Variants in STAB2 observed in about 807,000 individuals in gnomAD.
STAB2 encodes the protein stabilin-2.
In STAB2, 288 loss-of-function variants were observed where a neutral mutation model predicts 338.1. The observed-to-expected ratio is 0.85, with a 90% CI of 0.77 to 0.94. The LOEUF (loss-of-function observed/expected upper bound fraction) is 0.94, where lower values mean the gene tolerates loss of function less well. Ranked by LOEUF, STAB2 falls within the 40% of genes least tolerant of loss-of-function variation. The pLI is 0.00. For synonymous variants in STAB2, 1,202 were observed against 1,193.3 expected (o/e 1.01, Z -0.15); for missense variants, 3,141 against 3,210.1 (o/e 0.98, Z 0.52).
intron 68 of STAB2, chr12:103,763,881 G>A (rs151143279): frequency 2.0e-5 from 6 of 294,544 alleles, no homozygotes; most frequent in African/African-American, 1.1e-4. Context: ...TCATGACCAG[G>A]TGAGATGCCA....
chr12:103,761,070 G>A (rs1484305980), intron 65 of STAB2, among the ~76,000 whole-genome samples: 7 of 152,154 alleles, frequency 4.6e-5, no homozygotes, highest in African/African-American at 1.7e-4. Context: ...CAAGTGGGTT[G>A]GACAAATGAC....
chr12:103,668,658 A>G lies in STAB2; in HGVS notation c.2101A>G (p.Arg701Gly). 6.4e-7 allele frequency: 1 copy of G among 1,552,048 alleles called. No individual in the cohort carries two copies. The highest frequency in any genetic ancestry group is 8.7e-7 in the Non-Finnish European group (1 of 1,147,188). ...CTTTCTCCAGGCACTCTTCACACAC[A>G]GATGTGTCTACAGTGGCAGGTTTGG... The part of the protein sequence containing the change: ...NSEPTALFTH[R>G]CVYSGRFGSL... The change falls in exon 20 of 69, where the codon AGA (arginine) becomes GGA (glycine). Residue 701 changes from arginine (R) to glycine (G), a missense_variant. Physicochemically the swap from Arg to Gly is moderately radical, Grantham distance 125. Transcript: ENST00000388887.
intron 4 of STAB2, 110 bp downstream of exon 4, chr12:103,620,663 A>ACACATATAC: frequency 1.1e-6 from 1 of 935,270 alleles, no homozygotes; most frequent in Middle Eastern, 3.1e-4. Context: ...ACGTGCACAC[A>ACACATATAC]CACATATACA....
intron 3 of STAB2, among the ~76,000 whole-genome samples, chr12:103,611,306 T>C (rs1283516054): frequency 6.6e-6 from 1 of 152,206 alleles, no homozygotes; most frequent in African/African-American, 2.4e-5. Context: ...TCTCCCATTA[T>C]TATTGTGTGG....
chr12:103,765,274 T>A (rs998206009), intron 68 of STAB2, among the ~76,000 whole-genome samples: 1 of 152,116 alleles, frequency 6.6e-6, no homozygotes, highest in African/African-American at 2.4e-5. Flanking sequence ...GCACCATGCA[T>A]GAAAGATTTA....
intron 66 of STAB2, 38 bp downstream of exon 66, chr12:103,761,448 G>A: frequency 6.4e-7 from 1 of 1,569,708 alleles, no homozygotes; most frequent in Non-Finnish European, 8.8e-7. Context: ...GCCAGGAGGA[G>A]CCCCGGTGCC....
chr12:103,763,081 G>A (rs1446168551), intron 67 of STAB2, among the ~76,000 whole-genome samples: 1 of 152,216 alleles, frequency 6.6e-6, no homozygotes, highest in African/African-American at 2.4e-5. Context: ...ATAAGCTCCA[G>A]GGAAAATCTC....
intron 55 of STAB2, among the ~76,000 whole-genome samples, chr12:103,741,863 T>C (rs571613001): frequency 6.5e-4 from 99 of 152,326 alleles, no homozygotes; most frequent in African/African-American, 2.4e-3. Flanking sequence ...CTAGCATGCA[T>C]ACTCCATTCA....
chr12:103,736,954 G>T (rs986937907), intron 52 of STAB2, among the ~76,000 whole-genome samples: 5 of 152,164 alleles, frequency 3.3e-5, no homozygotes, highest in Non-Finnish European at 5.9e-5. Context: ...ATTATTGCCA[G>T]CATTAAATGA....
intron 30 of STAB2, among the ~76,000 whole-genome samples, chr12:103,692,068 A>C (rs1406592418): frequency 6.6e-6 from 1 of 152,248 alleles, no homozygotes; most frequent in Admixed American, 6.5e-5. Context: ...GGCTTAAACA[A>C]CAGGCATTTA....
rs1054936581 is a variant in STAB2 at position 103,692,868 on chromosome 12, A to G, written c.3354A>G (p.Gly1118=). Reference sequence around the variant, plus strand: ...ATGGGGACAACGCAGCCACAAATGGAGTGATACACATCATCAACAAGGTAC... The same window carrying G: ...ATGGGGACAACGCAGCCACAAATGGGGTGATACACATCATCAACAAGGTAC... The part of the protein sequence containing the change: ...IVDGDNAATN[G]VIHIINKVLV... Residue 1118 remains glycine (G), a synonymous_variant, in exon 31 of 69, where the codon GGA becomes GGG. Coordinates refer to ENST00000388887, the MANE Select transcript of STAB2 (RefSeq NM_017564.10). The G allele has an allele frequency of 3.9e-5, 63 of 1,613,378 alleles. No homozygotes were observed. The highest frequency in any genetic ancestry group is 5.2e-5 in the Non-Finnish European group (61 of 1,179,510).
chr12:103,690,012 T>C (rs777002013), intron 29 of STAB2, 30 bp downstream of exon 29: 6 of 1,604,992 alleles, frequency 3.7e-6, no homozygotes, highest in Middle Eastern at 1.7e-4. Context: ...TTTTACATCG[T>C]ATCTGAATGG....
intron 3 of STAB2, among the ~76,000 whole-genome samples, chr12:103,615,496 C>T (rs1957196245): frequency 6.6e-6 from 1 of 152,186 alleles, no homozygotes; most frequent in Admixed American, 6.5e-5. Flanking sequence ...CTCTACCATG[C>T]TCAGTCATGG....
chr12:103,611,744 T>G (rs1451032520), intron 3 of STAB2, among the ~76,000 whole-genome samples: 2 of 152,310 alleles, frequency 1.3e-5, no homozygotes, highest in South Asian at 2.1e-4. Flanking sequence ...GTTAGCTGGT[T>G]ATTTTGCTCG....
chr12:103,611,785 T>C (rs942198570), intron 3 of STAB2, among the ~76,000 whole-genome samples: 11 of 152,252 alleles, frequency 7.2e-5, no homozygotes, highest in Non-Finnish European at 1.6e-4. Flanking sequence ...CTAGCCTCGA[T>C]GGTCTTTACG....
chr12:103,747,995 CAAAAAAAA>C (rs57369480), intron 58 of STAB2, among the ~76,000 whole-genome samples: 28,843 of 96,886 alleles, frequency 0.3, 3,063 homozygotes, highest in Non-Finnish European at 0.34. Context: ...ACTCTGTCTC[CAAAAAAAA>C]AAAAAAAAAA....
At chr12:103,662,376 CT>C (rs993954067) in intron 17 of STAB2, among the ~76,000 whole-genome samples, 3 of 152,072 alleles carry the variant, frequency 2.0e-5, no homozygotes, top group African/African-American at 4.8e-5. Context: ...GATCAGAAAT[CT>C]TTGCTAATTG....
chr12:103,628,566 C>T (rs1957414301), intron 5 of STAB2, among the ~76,000 whole-genome samples: 1 of 152,238 alleles, frequency 6.6e-6, no homozygotes, highest in Admixed American at 6.5e-5. Context: ...TTTGAAGCTT[C>T]TAGAAGAAGG....
At chr12:103,719,110 C>G (rs1466025338) in intron 44 of STAB2, among the ~76,000 whole-genome samples, 2 of 152,162 alleles carry the variant, frequency 1.3e-5, no homozygotes, top group Non-Finnish European at 1.5e-5. Context: ...TACTGCTGCT[C>G]AGAGCCTAAT....
Sources: allele counts gnomAD v4.1 joint callset (sites outside exome capture counted in the v4.1 genomes callset), GRCh38; gene constraint gnomAD v4.1.1; transcripts MANE v1.5; gene names NCBI Gene and HGNC (gene_info 2026-07-23, HGNC 2026-07-21).